The following ST7 variants were observed in gnomAD, a reference collection of about 807,000 sequenced individuals.
The protein encoded by ST7 is suppressor of tumorigenicity 7 protein.
A neutral mutation model predicts 78.7 loss-of-function variants in ST7; 28 were observed. The ratio of observed to expected loss-of-function variants is 0.36; its 90% CI spans 0.26 to 0.49. The LOEUF (loss-of-function observed/expected upper bound fraction) is 0.49, where lower values mean the gene tolerates loss of function less well. ST7 is among the 20% of genes least tolerant of loss of function. The pLI is 0.99. For synonymous variants in ST7, 247 were observed against 249.6 expected (o/e 0.99, Z 0.10); for missense variants, 418 against 696.0 (o/e 0.60, Z 4.49).
At chr7:117,052,303 C>T (rs527704376) in intron 1 of ST7, among the ~76,000 whole-genome samples, 52 of 152,254 alleles carry the variant, frequency 3.4e-4, no homozygotes, top group African/African-American at 1.1e-3. Context: ...GTTGTACTAG[C>T]GCCTGAACTC....
At chr7:117,119,432 A>G in intron 2 of ST7, 129 bp from the exon 3 acceptor site, 1 of 915,410 alleles carries the variant, frequency 1.1e-6, no homozygotes, top group Non-Finnish European at 1.5e-6. Flanking sequence ...TCTAATTTTT[A>G]GAATAAACAG....
At chr7:117,163,350 T>A (rs1807300077) in intron 9 of ST7, among the ~76,000 whole-genome samples, 1 of 152,192 alleles carries the variant, frequency 6.6e-6, no homozygotes, top group Non-Finnish European at 1.5e-5. Context: ...TTGAAGAACC[T>A]CTATACTGTT....
chr7:116,953,766 C>T (rs1792271788), intron 1 of ST7, 75 bp downstream of exon 1: 5 of 1,082,122 alleles, frequency 4.6e-6, no homozygotes, highest in Non-Finnish European at 5.8e-6. Context: ...CGCGCGGGGC[C>T]GCGGCCAGGC....
intron 1 of ST7, among the ~76,000 whole-genome samples, chr7:117,040,244 C>T (rs114540191): frequency 0.018 from 2,672 of 152,052 alleles, 86 homozygotes; most frequent in African/African-American, 0.061. Flanking sequence ...TGGTGGCAGA[C>T]GCCTGTAATC....
chr7:117,042,638 C>T (rs376582921), intron 1 of ST7, among the ~76,000 whole-genome samples: 26 of 152,228 alleles, frequency 1.7e-4, no homozygotes, highest in African/African-American at 5.8e-4. Flanking sequence ...TTCCTTATGG[C>T]ATTCTTCACT....
intron 10 of ST7, among the ~76,000 whole-genome samples, chr7:117,176,938 C>T (rs1808383485): frequency 6.6e-6 from 1 of 152,140 alleles, no homozygotes; most frequent in Non-Finnish European, 1.5e-5. Context: ...GGCTCATTTC[C>T]CTGGGCTCGC....
At chr7:117,208,858 T>C (rs890411140) in intron 12 of ST7, among the ~76,000 whole-genome samples, 2 of 151,568 alleles carry the variant, frequency 1.3e-5, no homozygotes, top group African/African-American at 4.8e-5. Flanking sequence ...TGGGCTGTTG[T>C]TATGTTTGTC....
chr7:117,017,991 C>A (rs1200528352), intron 1 of ST7, among the ~76,000 whole-genome samples: 1 of 152,130 alleles, frequency 6.6e-6, no homozygotes, highest in Non-Finnish European at 1.5e-5. Flanking sequence ...AAATCACAGC[C>A]TTTAACTCTT....
At chr7:117,098,320 T>G (rs992329398) in intron 1 of ST7, among the ~76,000 whole-genome samples, 2 of 151,818 alleles carry the variant, frequency 1.3e-5, no homozygotes, top group African/African-American at 4.8e-5. Flanking sequence ...TTTCCTCTGT[T>G]TAGATTGTCC....
At chr7:117,196,100 T>A (rs1193532515) in intron 12 of ST7, among the ~76,000 whole-genome samples, 1 of 152,262 alleles carries the variant, frequency 6.6e-6, no homozygotes, top group East Asian at 1.9e-4. Context: ...CAAAATTTTC[T>A]TCTTTTTAAA....
intron 1 of ST7, among the ~76,000 whole-genome samples, chr7:117,088,589 G>A (rs547572676): frequency 6.6e-6 from 1 of 152,216 alleles, no homozygotes; most frequent in African/African-American, 2.4e-5. Flanking sequence ...ATTAAGTAAC[G>A]AATTGCCGTA....
chr7:117,040,717 A>G (rs1009371612), intron 1 of ST7, among the ~76,000 whole-genome samples: 5 of 152,172 alleles, frequency 3.3e-5, no homozygotes, highest in Admixed American at 1.3e-4. Context: ...GATTGGTCCA[A>G]TTCCTCTTGG....
At chr7:117,097,768 T>A (rs1370952955) in intron 1 of ST7, among the ~76,000 whole-genome samples, 1 of 146,924 alleles carries the variant, frequency 6.8e-6, no homozygotes, top group African/African-American at 2.5e-5. Flanking sequence ...TTTTTCCTTT[T>A]AAAAAATCTC....
chr7:117,166,185 T>A (rs929103053), intron 9 of ST7, among the ~76,000 whole-genome samples: 3 of 152,202 alleles, frequency 2.0e-5, no homozygotes, highest in African/African-American at 7.2e-5. Flanking sequence ...ATTAGTATAA[T>A]TTAGCATATT....
At chr7:117,049,414 A>G (rs1797654359) in intron 1 of ST7, among the ~76,000 whole-genome samples, 2 of 152,312 alleles carry the variant, frequency 1.3e-5, no homozygotes, top group South Asian at 4.1e-4. Flanking sequence ...GACATTTCTT[A>G]AACCAAACCT....
intron 12 of ST7, among the ~76,000 whole-genome samples, chr7:117,193,556 G>A (rs1023915099): frequency 6.6e-6 from 1 of 152,198 alleles, no homozygotes; most frequent in African/African-American, 2.4e-5. Context: ...CCAATTCTGG[G>A]TTATCTACTC....
chr7:117,108,139 G>A (rs989747925), intron 2 of ST7, among the ~76,000 whole-genome samples: 2 of 151,914 alleles, frequency 1.3e-5, no homozygotes, highest in Non-Finnish European at 2.9e-5. Flanking sequence ...CTTGCTTTTG[G>A]GTTCTTGTTC....
chr7:117,024,893 A>T (rs1245167234), intron 1 of ST7, among the ~76,000 whole-genome samples: 1 of 152,214 alleles, frequency 6.6e-6, no homozygotes, highest in Non-Finnish European at 1.5e-5. Context: ...TTTGATGGGC[A>T]TCAAAAGTTC....
At chr7:116,969,880 A>G (rs1793323325) in intron 1 of ST7, among the ~76,000 whole-genome samples, 1 of 152,170 alleles carries the variant, frequency 6.6e-6, no homozygotes, top group African/African-American at 2.4e-5. Flanking sequence ...GTTTGAGACT[A>G]GCCTGACCAA....
Sources: gnomAD v4.1 joint callset for allele counts (sites outside exome capture counted in the v4.1 genomes callset) on GRCh38, gnomAD v4.1.1 for gene constraint, MANE v1.5 for transcripts, NCBI Gene and HGNC (gene_info 2026-07-23, HGNC 2026-07-21) for gene names.